Variants in CACNA2D1 observed in about 807,000 individuals in gnomAD.
CACNA2D1 encodes voltage-dependent calcium channel subunit alpha-2/delta-1.
A neutral mutation model predicts 171.5 loss-of-function variants in CACNA2D1; 53 were observed. That is an observed-to-expected ratio of 0.31 (90% CI 0.25 to 0.39). CACNA2D1 has a LOEUF of 0.39. Among genes scored for constraint, CACNA2D1 ranks in the 10% least tolerant of loss-of-function variants. CACNA2D1 has a pLI of 1.00. For missense variants in CACNA2D1, 903 were observed against 1,299.8 expected, an observed-to-expected ratio of 0.69 and a Z score of 4.69; for synonymous variants, 442 against 443.1, an observed-to-expected ratio of 1.00 and a Z score of 0.03.
chr7:81,960,709 T>C (rs1186023109), intron 36 of CACNA2D1, among the ~76,000 whole-genome samples: 1 of 143,380 alleles, frequency 7.0e-6, no homozygotes, highest in Admixed American at 6.9e-5. Context: ...TTCTTCACTT[T>C]ACAATTTAAC....
At chr7:82,083,816 A>G (rs2129010131) in intron 7 of CACNA2D1, among the ~76,000 whole-genome samples, 1 of 152,250 alleles carries the variant, frequency 6.6e-6, no homozygotes, top group South Asian at 2.1e-4. Context: ...TAATATTACA[A>G]TCCAAACTTA....
At chr7:82,199,990 A>AT (rs1195278940) in intron 3 of CACNA2D1, among the ~76,000 whole-genome samples, 1 of 152,156 alleles carries the variant, frequency 6.6e-6, no homozygotes, top group Non-Finnish European at 1.5e-5. Context: ...TACATACTGC[A>AT]TGGTTCCATT....
At chr7:82,157,400 CT>C (rs1317505795) in intron 4 of CACNA2D1, among the ~76,000 whole-genome samples, 1 of 151,998 alleles carries the variant, frequency 6.6e-6, no homozygotes, top group Non-Finnish European at 1.5e-5. Flanking sequence ...TTATTCATGT[CT>C]TTTTCCACCA....
At chr7:82,203,949 T>A (rs2282940) in intron 3 of CACNA2D1, among the ~76,000 whole-genome samples, 4 of 152,054 alleles carry the variant, frequency 2.6e-5, no homozygotes, top group African/African-American at 9.7e-5. Flanking sequence ...AGCAGCCAAG[T>A]ATGCTGAGTA....
chr7:82,190,367 C>G (rs1798167755), intron 3 of CACNA2D1, among the ~76,000 whole-genome samples: 1 of 151,690 alleles, frequency 6.6e-6, no homozygotes, highest in Non-Finnish European at 1.5e-5. Flanking sequence ...AGAAAAAAAT[C>G]TGCTCCGTGG....
intron 4 of CACNA2D1, among the ~76,000 whole-genome samples, chr7:82,139,527 C>A (rs1456143809): frequency 6.6e-6 from 1 of 152,106 alleles, no homozygotes; most frequent in Non-Finnish European, 1.5e-5. Context: ...GTCCATGGTA[C>A]AATGATGAGC....
intron 3 of CACNA2D1, among the ~76,000 whole-genome samples, chr7:82,184,079 G>GT (rs200629980): frequency 6.8e-6 from 1 of 148,008 alleles, no homozygotes; most frequent in Non-Finnish European, 1.5e-5. Context: ...GAGTAGGATG[G>GT]TTTTAAAAAA....
intron 1 of CACNA2D1, among the ~76,000 whole-genome samples, chr7:82,394,870 G>A (rs1825607143): frequency 6.6e-6 from 1 of 152,144 alleles, no homozygotes; most frequent in Non-Finnish European, 1.5e-5. Flanking sequence ...TGACTAAAGT[G>A]AACCAACTCT....
At chr7:82,340,508 CTGAG>C (rs993058234) in intron 2 of CACNA2D1, among the ~76,000 whole-genome samples, 1 of 127,540 alleles carries the variant, frequency 7.8e-6, no homozygotes, top group African/African-American at 3.2e-5. Flanking sequence ...AATAAACTTT[CTGAG>C]TGATTCACTA....
chr7:82,194,201 G>A (rs181694130), intron 3 of CACNA2D1, among the ~76,000 whole-genome samples: 2 of 151,960 alleles, frequency 1.3e-5, no homozygotes, highest in African/African-American at 2.4e-5. Flanking sequence ...CAGCTGCTCC[G>A]TAGGGCTGGG....
intron 10 of CACNA2D1, among the ~76,000 whole-genome samples, chr7:82,057,738 G>T (rs1450186856): frequency 6.6e-6 from 1 of 152,070 alleles, no homozygotes; most frequent in Non-Finnish European, 1.5e-5. Flanking sequence ...AATGGGCACA[G>T]AAACCATGGA....
At chr7:82,245,705 T>A (rs1211140758) in intron 3 of CACNA2D1, among the ~76,000 whole-genome samples, 1 of 141,650 alleles carries the variant, frequency 7.1e-6, no homozygotes, top group Non-Finnish European at 1.5e-5. Flanking sequence ...AGAAAACTGG[T>A]TAGTTTTGTA....
chr7:82,361,786 A>G (rs1821109334), intron 1 of CACNA2D1, among the ~76,000 whole-genome samples: 1 of 152,224 alleles, frequency 6.6e-6, no homozygotes, highest in African/African-American at 2.4e-5. Flanking sequence ...TTAAATATTT[A>G]GTATCATATA....
At chr7:82,294,115 C>G (rs73164267) in intron 3 of CACNA2D1, among the ~76,000 whole-genome samples, 1 of 151,862 alleles carries the variant, frequency 6.6e-6, no homozygotes, top group Non-Finnish European at 1.5e-5. Context: ...TATGCTTGTT[C>G]AAGCCACCAT....
At chr7:82,322,469 A>AC (rs1816110011) in intron 3 of CACNA2D1, among the ~76,000 whole-genome samples, 2 of 149,380 alleles carry the variant, frequency 1.3e-5, no homozygotes, top group African/African-American at 4.9e-5. Flanking sequence ...AAAAAAAAAA[A>AC]AATTAAAATT....
At chr7:82,329,154 A>ACAATCAT (rs1369471304) in intron 3 of CACNA2D1, among the ~76,000 whole-genome samples, 1 of 152,204 alleles carries the variant, frequency 6.6e-6, no homozygotes, top group Non-Finnish European at 1.5e-5. Flanking sequence ...TGGTTAAATA[A>ACAATCAT]CAATCATCTA....
chr7:82,427,085 G>A (rs569568338), intron 1 of CACNA2D1, among the ~76,000 whole-genome samples: 2 of 152,238 alleles, frequency 1.3e-5, no homozygotes, highest in East Asian at 3.9e-4. Context: ...GGCATCCACT[G>A]GGGGGTCTGG....
At position 82,281,037 on chromosome 7, in the gene CACNA2D1, G is replaced by A. The variant is rs563128914; in HGVS notation, c.294+54098C>T. Among the ~76,000 whole-genome samples, 7 of 152,228 alleles carry A rather than the reference G, an allele frequency of 4.6e-5. 1 individual carries two copies. In the South Asian group the frequency reaches 1.2e-3, roughly 27 times the overall value. On this transcript the variant is annotated intron_variant, in intron 3 of 38. Transcript: ENST00000356860. ...TGATCATTAAGGAATTTACTAAACT[G>A]GAGAACAAGGAAGTCCAGATGTAAA... is the stretch of plus-strand genomic sequence containing the variant.
chr7:82,379,651 C>A (rs1823463515), intron 1 of CACNA2D1, among the ~76,000 whole-genome samples: 1 of 152,110 alleles, frequency 6.6e-6, no homozygotes, highest in Non-Finnish European at 1.5e-5. Context: ...TAATACATAT[C>A]TTGAACCACT....
Sources: allele counts gnomAD v4.1 joint callset (sites outside exome capture counted in the v4.1 genomes callset), GRCh38; gene constraint gnomAD v4.1.1; transcripts MANE v1.5; gene names NCBI Gene and HGNC (gene_info 2026-07-23, HGNC 2026-07-21).